OSCAR: variants seen among roughly 807,000 people sequenced by gnomAD.
The protein encoded by OSCAR is osteoclast-associated immunoglobulin-like receptor.
Under a neutral mutation model 27.3 loss-of-function variants are expected in OSCAR, and 25 were observed. The ratio of observed to expected loss-of-function variants is 0.92; its 90% CI spans 0.67 to 1.28. The LOEUF (loss-of-function observed/expected upper bound fraction) is 1.28. Ranked by LOEUF, OSCAR falls within the 50% of genes most tolerant of loss-of-function variation. The pLI is 0.00. For synonymous variants in OSCAR, 158 were observed against 165.7 expected (o/e 0.95, Z 0.36); for missense variants, 354 against 355.1 (o/e 1.00, Z 0.03).
rs1281907068 is a variant in OSCAR at position 54,096,001 on chromosome 19, C to T, written c.526G>A (p.Ala176Thr). Reference protein sequence around the residue: ...VAAPLQYRHSAQPWADFTLLG... With the variant: ...VAAPLQYRHSTQPWADFTLLG... ...AGCGTGAAGTCGGCCCAGGGCTGCG[C>T]GGAGTGGCGGTACTGCAGCGGGGCC... Residue 176 changes from alanine to threonine, a missense_variant, in exon 4 of 5, where the codon GCG becomes ACG. By Grantham distance (58) the Ala-to-Thr change is moderately conservative (BLOSUM62 0). Coordinates refer to ENST00000358375, the MANE Select transcript of OSCAR (RefSeq NM_133169.6). The T allele has an allele frequency of 6.3e-7, 1 of 1,582,724 alleles. No individual in the cohort carries two copies. Among genetic ancestry groups the T allele is most frequent in the Non-Finnish European group, 8.6e-7 (1 of 1,165,938 alleles).
intron 1 of OSCAR, 46 bp from the exon 2 acceptor site, chr19:54,099,826 T>G (rs751886260): frequency 1.3e-6 from 2 of 1,580,108 alleles, no homozygotes; most frequent in Admixed American, 1.9e-5. Flanking sequence ...TTTTTTTTTT[T>G]GTCTGAGGCA....
intron 1 of OSCAR, among the ~76,000 whole-genome samples, chr19:54,100,299 C>G (rs748385373): frequency 2.0e-5 from 3 of 152,178 alleles, no homozygotes; most frequent in Non-Finnish European, 4.4e-5. Context: ...ACGCAGACCC[C>G]TCTGGCCTGG....
At chr19:54,099,404 G>A (rs1276223536) in intron 2 of OSCAR, among the ~76,000 whole-genome samples, 1 of 151,756 alleles carries the variant, frequency 6.6e-6, no homozygotes, top group Non-Finnish European at 1.5e-5. Context: ...ACTGTGCCAG[G>A]CTCAGGGTTT....
Position 54,100,744 on chromosome 19 carries a change from G to A in OSCAR, c.37+12C>T, listed in dbSNP as rs1165631429. ...CAGCCAGGAACCCAGGGAGAAGAAA[G>A]GGGTGACTCACAGAGGGTCAGCAGC... On this transcript the variant is annotated intron_variant, in intron 1 of 4. Coordinates refer to ENST00000358375, the MANE Select transcript of OSCAR (RefSeq NM_133169.6). 1.9e-6 allele frequency: 3 copies of A among 1,551,642 alleles called. No homozygotes were observed. The highest frequency in any genetic ancestry group is 2.7e-5 in the African/African-American group (2 of 73,032).
Position 54,096,071 on chromosome 19 carries a change from G to T in OSCAR, c.456C>A (p.Gly152=). 6.5e-7 allele frequency: 1 copy of T among 1,538,028 alleles called. No homozygotes were observed. The highest frequency in any genetic ancestry group is 1.2e-5 in the South Asian group (1 of 84,062). Residue 152 remains glycine (G), a synonymous_variant, in exon 4 of 5, where the codon GGC becomes GGA. Transcript: ENST00000358375. ...GCACGAAGCTCATGTTCCGCAGGCGGCCCGCGCAGCGCAGGCTCACGTTGG... is the reference window on the plus strand; with the variant it reads ...GCACGAAGCTCATGTTCCGCAGGCGTCCCGCGCAGCGCAGGCTCACGTTGG... ...PGANVSLRCA[G]RLRNMSFVLY... is the part of the protein sequence containing the mutation.
rs2072607194 is a variant in OSCAR, at chr19:54,095,626, G to A, written c.655+246C>T. ...GGCCTGGAGTCCTGGGTCTGAGGGA[G>A]GAGGTACTGGGGCCCGGGAATCCTG... On this transcript the variant is annotated intron_variant, in intron 4 of 4. Transcript: ENST00000358375. The A allele has an allele frequency of 3.9e-6, 4 of 1,035,908 alleles. No individual in the cohort carries two copies. The East Asian group carries it at 1.1e-4, about 27-fold the overall frequency. 64.2% of individuals were successfully genotyped at this position (1,035,908 alleles called of 1,614,324 possible).
chr19:54,095,729 C>G (rs1052714404), intron 4 of OSCAR, 143 bp downstream of exon 4: 36 of 1,344,974 alleles, frequency 2.7e-5, no homozygotes, highest in Non-Finnish European at 3.5e-5. Flanking sequence ...AATCCTGGGT[C>G]TGAGGGAGGA....
chr19:54,097,209 C>T, intron 2 of OSCAR, 45 bp from the exon 3 acceptor site: 5 of 1,545,698 alleles, frequency 3.2e-6, no homozygotes, highest in Non-Finnish European at 4.4e-6. Context: ...CCTGGGAGCC[C>T]CAGAAGATGA....
At chr19:54,097,610 T>G (rs1434664906) in intron 2 of OSCAR, among the ~76,000 whole-genome samples, 1 of 130,638 alleles carries the variant, frequency 7.7e-6, no homozygotes, top group Non-Finnish European at 1.6e-5. Flanking sequence ...TTTTTTTTTT[T>G]TTGAGGCAGG....
intron 2 of OSCAR, among the ~76,000 whole-genome samples, chr19:54,097,390 T>A (rs1281775720): frequency 6.6e-6 from 1 of 152,060 alleles, no homozygotes; most frequent in Non-Finnish European, 1.5e-5. Flanking sequence ...CTCCACAGTT[T>A]GTAAACACAG....
Position 54,100,147 on chromosome 19 carries a change from C to T in OSCAR, c.38-367G>A, listed in dbSNP as rs377628261. On this transcript the variant is annotated intron_variant, in intron 1 of 4. Transcript: ENST00000358375. ...GAGTTCTTTTCAAAACCCTTTGTGG[C>T]CAGCCCCATCTCATTGGTAACCCAG... Among the ~76,000 whole-genome samples the T allele has an allele frequency of 2.4e-4, 36 of 152,290 alleles. No homozygotes were observed. The East Asian group carries it at 5.0e-3, about 21-fold the overall frequency.
rs1432868498 is a variant in OSCAR, at chr19:54,095,237, G to A, written c.776C>T (p.Ala259Val). 1.2e-6 allele frequency: 2 copies of A among 1,611,888 alleles called. No homozygotes were observed. The highest frequency in any genetic ancestry group is 1.7e-6 in the Non-Finnish European group (2 of 1,179,360). ...TCCTGGGGCTCAGGGGCGGATACCA[G>A]CAGGAGCGCGGTTCTGACTGCGCCA... The part of the protein sequence containing the change: ...FDWRSQNRAP[A>V]GIRP Residue 259 changes from alanine (A) to valine (V), a missense_variant, in exon 5 of 5, where the codon GCT (alanine) becomes GTT (valine). By Grantham distance (64) the Ala-to-Val change is moderately conservative (BLOSUM62 0). Transcript: ENST00000358375.
Position 54,095,902 on chromosome 19 carries a change from G to C in OSCAR, c.625C>G (p.Arg209Gly), listed in dbSNP as rs1272070082. 6.4e-7 allele frequency: 1 copy of C among 1,569,854 alleles called. No homozygotes were observed. Among genetic ancestry groups the C allele is most frequent in the South Asian group, 1.2e-5 (1 of 85,494 alleles). ...TPSAPYVLSQ[R>G]SEVLVISWED... ...CAGCTGATGACCAGCACCTCGCTGC[G>C]CTGCGACAGCACGTAGGGCGCGGAG... Residue 209 changes from arginine (R) to glycine (G), a missense_variant, in exon 4 of 5, where the codon CGC becomes GGC. By Grantham distance (125) the Arg-to-Gly change is moderately radical. Coordinates refer to ENST00000358375, the MANE Select transcript of OSCAR (RefSeq NM_133169.6).
chr19:54,099,229 A>G (rs1207130772), intron 2 of OSCAR, among the ~76,000 whole-genome samples: 1 of 82,428 alleles, frequency 1.2e-5, no homozygotes, highest in African/African-American at 5.0e-5. Context: ...CACCCGGCTA[A>G]TTTTTTTTTT....
intron 2 of OSCAR, among the ~76,000 whole-genome samples, chr19:54,099,315 C>T (rs960687133): frequency 3.2e-4 from 48 of 149,380 alleles, no homozygotes; most frequent in African/African-American, 1.1e-3. Flanking sequence ...GTGATCCGCC[C>T]GCCTCTGCCT....
chr19:54,099,936 C>T (rs1035850504), intron 1 of OSCAR, among the ~76,000 whole-genome samples, 156 bp from the exon 2 acceptor site: 3 of 151,994 alleles, frequency 2.0e-5, no homozygotes, highest in Admixed American at 6.6e-5. Flanking sequence ...CCTCAGCCTC[C>T]GTAGTAGCTG....
In OSCAR at chr19:54,095,255, C is replaced by G. The variant is rs747761316; in HGVS notation, c.758G>C (p.Ser253Thr). Reference protein sequence around the residue: ...LGALVTFDWRSQNRAPAGIRP With the variant: ...LGALVTFDWRTQNRAPAGIRP ...GATACCAGCAGGAGCGCGGTTCTGA[C>G]TGCGCCAGTCAAAAGTGACCAGCGC... Residue 253 changes from serine (S) to threonine (T), a missense_variant, in exon 5 of 5, where the codon AGT (serine) becomes ACT (threonine). Ser to Thr is a moderately conservative substitution (Grantham distance 58, BLOSUM62 1). Transcript: ENST00000358375. 1 of 1,610,152 alleles carries G rather than the reference C, an allele frequency of 6.2e-7. No individual in the cohort carries two copies. Among genetic ancestry groups the G allele is most frequent in the Non-Finnish European group, 8.5e-7 (1 of 1,178,672 alleles).
intron 1 of OSCAR, among the ~76,000 whole-genome samples, chr19:54,100,323 C>G (rs587737130): frequency 6.6e-6 from 1 of 152,130 alleles, no homozygotes; most frequent in Non-Finnish European, 1.5e-5. Flanking sequence ...ACCAAGAGTT[C>G]AGGCCCTTGA....
In OSCAR at chr19:54,096,702, CCT is replaced by C. The variant is rs1200131551; in HGVS notation, c.373+158_373+159del. Among the ~76,000 whole-genome samples the C allele has an allele frequency of 8.6e-3, 1,282 of 149,354 alleles. 17 individuals carry two copies. Among genetic ancestry groups the C allele is most frequent in the African/African-American group, 0.029 (1,187 of 40,260 alleles). On this transcript the variant is annotated intron_variant, in intron 3 of 4. Transcript: ENST00000358375. Reference sequence around the variant, plus strand: ...CTGTACCTCTCTCTCTCTCTGCTCCCCTGTCTCTCTCTCTCCCCCTAGTGTCT... The same window carrying C: ...CTGTACCTCTCTCTCTCTCTGCTCCCGTCTCTCTCTCTCCCCCTAGTGTCT...
Sources: gnomAD v4.1 joint callset for allele counts (sites outside exome capture counted in the v4.1 genomes callset) on GRCh38, gnomAD v4.1.1 for gene constraint, MANE v1.5 for transcripts, NCBI Gene and HGNC (gene_info 2026-07-23, HGNC 2026-07-21) for gene names.